The following OPN3 variants were observed in gnomAD, a reference collection of about 807,000 sequenced individuals.
OPN3 encodes opsin-3.
Under a neutral mutation model 33.8 loss-of-function variants are expected in OPN3, and 29 were observed. That is an observed-to-expected ratio of 0.86 (90% confidence interval 0.64 to 1.17). OPN3 has a LOEUF of 1.17. Ranked by LOEUF, OPN3 falls within the 50% of genes most tolerant of loss-of-function variation. The pLI, the probability that OPN3 is intolerant of heterozygous loss-of-function variation, is 0.00. For synonymous variants in OPN3, 216 were observed against 216.1 expected, an observed-to-expected ratio of 1.00 and a Z score of 0.00; for missense variants, 437 against 514.1, an observed-to-expected ratio of 0.85 and a Z score of 1.45.
Position 241,604,422 on chromosome 1 carries a change from G to T in OPN3, c.531C>A (p.Asn177Lys). ...GTCCGTGTACGTCCAGGATGTACCT[G>T]TTCCATCCCAGGAGAGGTGCTCCTG... ...AWAGAPLLGW[N>K]RYILDVHGLG... Residue 177 changes from asparagine (N) to lysine (K), a missense_variant, in exon 2 of 4, where the codon AAC becomes AAA. Coordinates refer to ENST00000366554, the MANE Select transcript of OPN3 (RefSeq NM_014322.3). 1.9e-6 allele frequency: 3 copies of T among 1,614,174 alleles called. No homozygotes were observed. Among genetic ancestry groups the T allele is most frequent in the Non-Finnish European group, 2.5e-6 (3 of 1,180,034 alleles).
intron 2 of OPN3, among the ~76,000 whole-genome samples, chr1:241,599,665 T>TGTGG (rs771656833): frequency 8.5e-5 from 13 of 152,162 alleles, no homozygotes; most frequent in Non-Finnish European, 1.5e-4. Flanking sequence ...ATAGGAAGGC[T>TGTGG]GTGGGGTTTT....
intron 1 of OPN3, among the ~76,000 whole-genome samples, chr1:241,617,098 C>T (rs1476671487): frequency 6.6e-6 from 1 of 151,824 alleles, no homozygotes; most frequent in Non-Finnish European, 1.5e-5. Flanking sequence ...TAGATCTTTC[C>T]AGACATGTCA....
intron 1 of OPN3, among the ~76,000 whole-genome samples, chr1:241,610,422 A>G (rs1355796455): frequency 6.6e-6 from 1 of 152,230 alleles, no homozygotes; most frequent in African/African-American, 2.4e-5. Flanking sequence ...GCAACATTTG[A>G]ATTGATGAAC....
At chr1:241,617,227 T>C (rs916497714) in intron 1 of OPN3, among the ~76,000 whole-genome samples, 1 of 152,224 alleles carries the variant, frequency 6.6e-6, no homozygotes, top group Non-Finnish European at 1.5e-5. Flanking sequence ...CCAGACCTTC[T>C]GACTGCTAGT....
At chr1:241,639,763 G>A (rs1366449757) in intron 1 of OPN3, 119 bp downstream of exon 1, 9 of 1,065,720 alleles carry the variant, frequency 8.4e-6, no homozygotes, top group Non-Finnish European at 1.0e-5. Flanking sequence ...AGGGCGGGGG[G>A]CGCGGGGCCG....
intron 1 of OPN3, among the ~76,000 whole-genome samples, chr1:241,627,875 A>T (rs569957301): frequency 1.3e-5 from 2 of 152,292 alleles, no homozygotes; most frequent in African/African-American, 4.8e-5. Flanking sequence ...AATTAATCTT[A>T]ATCAGAATTT....
intron 2 of OPN3, among the ~76,000 whole-genome samples, chr1:241,602,196 T>C (rs1346149956): frequency 6.6e-6 from 1 of 152,038 alleles, no homozygotes; most frequent in Non-Finnish European, 1.5e-5. Context: ...GATAAGAAGA[T>C]GGCGCCAGAG....
chr1:241,594,729 AG>A (rs1296027293), intron 3 of OPN3, 38 bp from the exon 4 acceptor site: 3 of 1,595,238 alleles, frequency 1.9e-6, no homozygotes, highest in Non-Finnish European at 2.6e-6. Flanking sequence ...ATTAAGTAAA[AG>A]TTGGGCACTA....
At chr1:241,598,973 C>T (rs1417813515) in intron 2 of OPN3, among the ~76,000 whole-genome samples, 1 of 151,990 alleles carries the variant, frequency 6.6e-6, no homozygotes, top group East Asian at 1.9e-4. Flanking sequence ...TCTAAGTGTA[C>T]CTTTTGGTTC....
intron 2 of OPN3, among the ~76,000 whole-genome samples, chr1:241,598,213 G>A (rs1663588923): frequency 6.6e-6 from 1 of 152,052 alleles, no homozygotes; most frequent in African/African-American, 2.4e-5. Context: ...AACATAGGGT[G>A]GTTGAGCTAC....
Position 241,639,888 on chromosome 1 carries a change from G to A in OPN3, c.367C>T (p.Leu123Phe), listed in dbSNP as rs771575631. 14 of 1,577,182 alleles carry A rather than the reference G, an allele frequency of 8.9e-6. No homozygotes were observed. Among genetic ancestry groups the A allele is most frequent in the Admixed American group, 1.8e-5 (1 of 56,242 alleles). ...GCVWDGFSGS[L>F]FGIVSIATLT... ...TTCTCCCAGTCCAACTCACCGAAGAGGCTGCCGCTAAACCCGTCCCACACG... is the reference window on the plus strand; with the variant it reads ...TTCTCCCAGTCCAACTCACCGAAGAAGCTGCCGCTAAACCCGTCCCACACG... The change falls in exon 1 of 4, where the codon CTC (leucine) becomes TTC (phenylalanine). Residue 123 changes from leucine to phenylalanine, a missense_variant. Transcript: ENST00000366554.
chr1:241,604,107 A>T (rs1663755007), intron 2 of OPN3, among the ~76,000 whole-genome samples, 153 bp downstream of exon 2: 1 of 152,180 alleles, frequency 6.6e-6, no homozygotes, highest in Non-Finnish European at 1.5e-5. Flanking sequence ...AGAGTGACTC[A>T]TAGCATAAAA....
At chr1:241,633,833 T>C in intron 1 of OPN3, 1 of 1,613,870 alleles carries the variant, frequency 6.2e-7, no homozygotes, top group East Asian at 2.2e-5. Context: ...TTCTAGGTTT[T>C]TGCTTTCCTC....
intron 1 of OPN3, chr1:241,631,507 A>G (rs1450611029): frequency 1.3e-5 from 2 of 152,110 alleles, no homozygotes; most frequent in Non-Finnish European, 1.5e-5. Context: ...GACTTTTACT[A>G]TATTTTTAAA....
At chr1:241,611,166 A>G (rs1389323084) in intron 1 of OPN3, among the ~76,000 whole-genome samples, 2 of 152,126 alleles carry the variant, frequency 1.3e-5, no homozygotes, top group East Asian at 1.9e-4. Context: ...CCAATAATAC[A>G]GTTATTTTCT....
chr1:241,600,575 AT>A (rs1246816217), intron 2 of OPN3: 1 of 152,164 alleles, frequency 6.6e-6, no homozygotes, highest in African/African-American at 2.4e-5. Context: ...ACATCTGTAG[AT>A]TTTCAAAGAA....
In OPN3 at chr1:241,594,536, G is replaced by C; in HGVS notation, c.1101C>G (p.Asn367Lys). 3 of 1,614,138 alleles carry C rather than the reference G, an allele frequency of 1.9e-6. No homozygotes were observed. Among genetic ancestry groups the C allele is most frequent in the Non-Finnish European group, 2.5e-6 (3 of 1,179,988 alleles). ...GDRPKKKVTF[N>K]SSSIIFIITS... ...TGATGATAAAAATGATGGAAGAAGAGTTGAAAGTCACTTTTTTCTTTGGCC... is the reference window on the plus strand; with the variant it reads ...TGATGATAAAAATGATGGAAGAAGACTTGAAAGTCACTTTTTTCTTTGGCC... The change falls in exon 4 of 4, where the codon AAC (asparagine) becomes AAG (lysine). Residue 367 changes from asparagine (N) to lysine (K), a missense_variant. Physicochemically the swap from Asn to Lys is moderately conservative, Grantham distance 94. Transcript: ENST00000366554.
intron 1 of OPN3, among the ~76,000 whole-genome samples, chr1:241,606,017 G>C (rs1663820674): frequency 6.6e-6 from 1 of 151,864 alleles, no homozygotes; most frequent in African/African-American, 2.4e-5. Flanking sequence ...TTCTTCAGTA[G>C]TGAATGCTCA....
intron 2 of OPN3, among the ~76,000 whole-genome samples, chr1:241,602,749 T>C (rs1558437983): frequency 6.6e-6 from 1 of 152,138 alleles, no homozygotes; most frequent in East Asian, 1.9e-4. Context: ...CCCATCCTCA[T>C]GACCTCCTCT....
Sources: allele counts gnomAD v4.1 joint callset (sites outside exome capture counted in the v4.1 genomes callset), GRCh38; gene constraint gnomAD v4.1.1; transcripts MANE v1.5; gene names NCBI Gene and HGNC (gene_info 2026-07-23, HGNC 2026-07-21).